The following RTF1 variants were observed in gnomAD, a reference collection of about 807,000 sequenced individuals.
RTF1 encodes the protein RTF1 homolog, Paf1/RNA polymerase II complex component, also known as RNA polymerase-associated protein RTF1 homolog.
RTF1 carries 10 observed loss-of-function variants against 95.7 expected under a neutral mutation model. That is an observed-to-expected ratio of 0.10 (90% CI 0.06 to 0.18). RTF1 has a LOEUF of 0.18. RTF1 is among the 10% of genes least tolerant of loss of function. The pLI, the probability that RTF1 is intolerant of heterozygous loss-of-function variation, is 1.00. For missense variants in RTF1, 458 were observed against 875.6 expected (o/e 0.52, Z 6.02); for synonymous variants, 305 against 311.8 (o/e 0.98, Z 0.23).
chr15:41,471,523 T>G (rs1370087445), intron 8 of RTF1, among the ~76,000 whole-genome samples, 174 bp downstream of exon 8: 1 of 152,184 alleles, frequency 6.6e-6, no homozygotes, highest in Non-Finnish European at 1.5e-5. Context: ...CATGACTTGT[T>G]GCCAAGAGGA....
In RTF1 at chr15:41,483,327, A is replaced by G. The variant is rs1425220828; in HGVS notation, c.*2640A>G. The G allele has an allele frequency of 2.0e-5, 3 of 152,578 alleles. No homozygotes were observed. The highest frequency in any genetic ancestry group is 7.2e-5 in the African/African-American group (3 of 41,424). 9.5% of individuals were successfully genotyped at this position (152,578 alleles called of 1,614,324 possible). ...TTCAGTGTTGAAGGGTGCAGCACCC[A>G]AGGTTGTTTTTATGCATTTTTTCAG... On this transcript the variant is annotated 3_prime_UTR_variant, in exon 18 of 18. Transcript: ENST00000389629.
chr15:41,428,862 G>A (rs534247324), intron 1 of RTF1, among the ~76,000 whole-genome samples: 4 of 152,088 alleles, frequency 2.6e-5, no homozygotes, highest in Non-Finnish European at 5.9e-5. Flanking sequence ...ACAGCCTCCT[G>A]TGTAGCTGGG....
chr15:41,453,033 T>C lies in RTF1; in HGVS notation c.442T>C (p.Ser148Pro). The change falls in exon 3 of 18, where the codon TCA becomes CCA. Residue 148 changes from serine (S) to proline (P), a missense_variant. Coordinates refer to ENST00000389629, the MANE Select transcript of RTF1 (RefSeq NM_015138.5). The stretch of plus-strand genomic sequence containing the variant: ...AGACAAAGACAGTTCAGCTGAGAGC[T>C]CAGCCCCTGAGGAAGGTGAGCTGAG... ...SSDKDSSAESSAPEEGEVSDS... is the reference protein window; with the variant it reads ...SSDKDSSAESPAPEEGEVSDS... The C allele has an allele frequency of 6.3e-7, 1 of 1,597,368 alleles. No individual in the cohort carries two copies. The highest frequency in any genetic ancestry group is 1.1e-5 in the South Asian group (1 of 87,490).
At chr15:41,448,381 T>C (rs936555618) in intron 2 of RTF1, among the ~76,000 whole-genome samples, 3 of 151,922 alleles carry the variant, frequency 2.0e-5, no homozygotes, top group Non-Finnish European at 2.9e-5. Flanking sequence ...AAATGGGAAA[T>C]GTTGGCCGGG....
In RTF1 at chr15:41,483,350, C is replaced by T. The variant is rs527341826; in HGVS notation, c.*2663C>T. On this transcript the variant is annotated 3_prime_UTR_variant, in exon 18 of 18. Coordinates refer to ENST00000389629, the MANE Select transcript of RTF1 (RefSeq NM_015138.5). Reference sequence around the variant, plus strand: ...CCAAGGTTGTTTTTATGCATTTTTTCAGTTCCTTCCAAGAAGCAAAAAGGC... The same window carrying T: ...CCAAGGTTGTTTTTATGCATTTTTTTAGTTCCTTCCAAGAAGCAAAAAGGC... 6.6e-6 allele frequency: 1 copy of T among 152,622 alleles called. No individual in the cohort carries two copies. The highest frequency in any genetic ancestry group is 2.4e-5 in the African/African-American group (1 of 41,444). 9.5% of individuals were successfully genotyped at this position (152,622 alleles called of 1,614,324 possible).
chr15:41,472,389 T>A (rs1389883770), intron 8 of RTF1, among the ~76,000 whole-genome samples: 1 of 151,408 alleles, frequency 6.6e-6, no homozygotes, highest in Non-Finnish European at 1.5e-5. Flanking sequence ...GTATTTTTAG[T>A]AGAGATGGGG....
intron 7 of RTF1, 74 bp from the exon 8 acceptor site, chr15:41,471,098 A>C: frequency 7.2e-7 from 1 of 1,396,490 alleles, no homozygotes. Context: ...AGTTTTGAGG[A>C]GTTGATATTA....
chr15:41,441,152 T>C lies in RTF1; in HGVS notation c.309+2721T>C, dbSNP rs182010664. 1.9e-3 allele frequency among the ~76,000 whole-genome samples: 283 copies of C among 151,930 alleles called. 3 individuals are homozygous for C. Among genetic ancestry groups the C allele is most frequent in the African/African-American group, 6.2e-3 (258 of 41,442 alleles). On this transcript the variant is annotated intron_variant, in intron 2 of 17. Transcript: ENST00000389629. Reference sequence around the variant, plus strand: ...ACTCCTGGCTAATTTTTTGTATTTTTAGTAGAGACGGGGTTTCACCATGTT... The same window carrying C: ...ACTCCTGGCTAATTTTTTGTATTTTCAGTAGAGACGGGGTTTCACCATGTT...
chr15:41,429,891 A>G (rs890551980), intron 1 of RTF1, among the ~76,000 whole-genome samples: 3 of 151,058 alleles, frequency 2.0e-5, no homozygotes, highest in Non-Finnish European at 3.0e-5. Flanking sequence ...TTGTTTCTTT[A>G]CTTGTTCATT....
intron 14 of RTF1, chr15:41,477,727 A>G (rs2050948858): frequency 1.7e-6 from 1 of 579,342 alleles, no homozygotes; most frequent in Admixed American, 3.1e-5. Flanking sequence ...TCCCACCCTT[A>G]GATTCTACTC....
chr15:41,468,821 A>G (rs750375503), intron 6 of RTF1, among the ~76,000 whole-genome samples: 21 of 151,918 alleles, frequency 1.4e-4, no homozygotes, highest in Non-Finnish European at 3.1e-4. Context: ...CAATATTTTA[A>G]AGAGAGAGAG....
intron 8 of RTF1, among the ~76,000 whole-genome samples, chr15:41,473,139 G>GT (rs2050923015): frequency 6.6e-6 from 1 of 151,304 alleles, no homozygotes; most frequent in African/African-American, 2.4e-5. Flanking sequence ...GTTTTGTTTT[G>GT]TTTTGTTTTT....
intron 2 of RTF1, among the ~76,000 whole-genome samples, chr15:41,439,387 A>G (rs976832433): frequency 2.6e-5 from 4 of 152,138 alleles, no homozygotes; most frequent in African/African-American, 9.6e-5. Context: ...GTTAGAAAAT[A>G]AATTCTATCA....
intron 6 of RTF1, 90 bp from the exon 7 acceptor site, chr15:41,470,167 T>C: frequency 7.2e-7 from 1 of 1,389,152 alleles, no homozygotes; most frequent in Non-Finnish European, 1.0e-6. Context: ...GCTGTGTATT[T>C]GAGTCCTCTT....
chr15:41,421,286 G>A (rs918714887), intron 1 of RTF1, among the ~76,000 whole-genome samples: 36 of 152,048 alleles, frequency 2.4e-4, no homozygotes, highest in Middle Eastern at 3.4e-3. Flanking sequence ...GAGAAACCTC[G>A]TCTCTACTAA....
intron 4 of RTF1, among the ~76,000 whole-genome samples, chr15:41,463,050 C>T (rs759607998): frequency 1.1e-4 from 16 of 152,210 alleles, no homozygotes; most frequent in East Asian, 1.9e-4. Flanking sequence ...CCACCATGGC[C>T]GACCTGGATA....
intron 5 of RTF1, among the ~76,000 whole-genome samples, chr15:41,465,462 G>A (rs1476366052): frequency 6.6e-6 from 1 of 152,158 alleles, no homozygotes; most frequent in Non-Finnish European, 1.5e-5. Flanking sequence ...CCAACGTGGC[G>A]AAATCCTGTC....
chr15:41,418,942 G>A (rs1465477075), intron 1 of RTF1, among the ~76,000 whole-genome samples: 4 of 151,930 alleles, frequency 2.6e-5, no homozygotes, highest in East Asian at 1.9e-4. Context: ...TGCAAGCTCC[G>A]CCAAGGGGAG....
chr15:41,467,323 T>C (rs1231074973), intron 6 of RTF1, among the ~76,000 whole-genome samples: 4 of 152,114 alleles, frequency 2.6e-5, no homozygotes, highest in Non-Finnish European at 5.9e-5. Flanking sequence ...TCTTAGGGCC[T>C]AGACTTGGAA....
Sources: gnomAD v4.1 joint callset for allele counts (sites outside exome capture counted in the v4.1 genomes callset) on GRCh38, gnomAD v4.1.1 for gene constraint, MANE v1.5 for transcripts, NCBI Gene and HGNC (gene_info 2026-07-23, HGNC 2026-07-21) for gene names.